The following WSB1 variants were observed in gnomAD, a reference collection of about 807,000 sequenced individuals.
WSB1 encodes the protein WD repeat and SOCS box-containing protein 1.
Under a neutral mutation model 50.2 loss-of-function variants are expected in WSB1, and 23 were observed. That is an observed-to-expected ratio of 0.46 (90% CI 0.33 to 0.65). WSB1 has a LOEUF of 0.65. Ranked by LOEUF, WSB1 falls within the 30% of genes least tolerant of loss-of-function variation. The pLI is 0.02. For missense variants in WSB1, 492 were observed against 522.3 expected (o/e 0.94, Z 0.56); for synonymous variants, 179 against 172.0 (o/e 1.04, Z -0.32).
rs753934401 is a variant in WSB1, at chr17:27,309,276, G to A, written c.884+4G>A. 5.7e-6 allele frequency: 9 copies of A among 1,566,980 alleles called. No individual in the cohort carries two copies. The South Asian group carries it at 9.4e-5, about 16-fold the overall frequency. ...GAGACATTCTGATGGAATTTGGGTG[G>A]GTACAGCATGAATTATTTTAGTCTA... On this transcript the variant is annotated splice_donor_region_variant and intron_variant, in intron 6 of 8. Transcript: ENST00000262394.
At chr17:27,308,913 A>G in intron 5 of WSB1, 187 bp from the exon 6 acceptor site, 2 of 1,211,368 alleles carry the variant, frequency 1.7e-6, no homozygotes, top group Non-Finnish European at 2.1e-6. Context: ...TAGAATTTGC[A>G]TGTCTGCCTT....
Position 27,301,677 on chromosome 17 carries a change from A to G in WSB1, c.41-111A>G. 4.5e-6 allele frequency: 5 copies of G among 1,119,080 alleles called. No homozygotes were observed. In the East Asian group the frequency reaches 9.6e-5, roughly 22 times the overall value. The allele number at this position is 1,119,080 out of a possible 1,614,324, so 69.3% of individuals were successfully genotyped here. ...GAGGATGGAATGCAGAACTCACTAT[A>G]CCCTGTCTGCATAGAAGAGGGAAGA... On this transcript the variant is annotated intron_variant, in intron 1 of 8. Transcript: ENST00000262394.
intron 7 of WSB1, 105 bp from the exon 8 acceptor site, chr17:27,311,404 G>A (rs2017670777): frequency 2.7e-6 from 2 of 747,884 alleles, no homozygotes; most frequent in Admixed American, 2.8e-5. Context: ...TGTGATGTGT[G>A]TATTTTGTGA....
At chr17:27,297,487 A>T (rs11654484) in intron 1 of WSB1, among the ~76,000 whole-genome samples, 49,612 of 148,940 alleles carry the variant, frequency 0.33, 8,441 homozygotes, top group Middle Eastern at 0.45. Flanking sequence ...TTTTTTTTTT[A>T]GACAGAGTCT....
Position 27,314,877 on chromosome 17 carries a change from A to G in WSB1, c.*2508A>G, listed in dbSNP as rs2017800830. The G allele has an allele frequency of 6.6e-6, 1 of 152,056 alleles. No individual in the cohort carries two copies. Among genetic ancestry groups the G allele is most frequent in the Admixed American group, 6.6e-5 (1 of 15,246 alleles). 9.4% of individuals were successfully genotyped at this position (152,056 alleles called of 1,614,324 possible). A position where few individuals can be genotyped will look rare whatever the true frequency, so the allele number is the denominator to read the frequency against. On this transcript the variant is annotated 3_prime_UTR_variant, in exon 9 of 9. Coordinates refer to ENST00000262394, the MANE Select transcript of WSB1 (RefSeq NM_015626.10). ...GACAGACGGCGTTTCACTGTTGGCC[A>G]GACTGGTCTCAAACTCCTGACCTCG...
intron 1 of WSB1, among the ~76,000 whole-genome samples, chr17:27,300,726 G>GT (rs2017192841): frequency 6.9e-6 from 1 of 145,542 alleles, no homozygotes; most frequent in Non-Finnish European, 1.5e-5. Context: ...GTCTTGCTCT[G>GT]TCACCCAGGC....
intron 1 of WSB1, among the ~76,000 whole-genome samples, chr17:27,296,795 T>TA (rs1234873052): frequency 3.3e-5 from 5 of 152,260 alleles, no homozygotes; most frequent in Admixed American, 2.0e-4. Flanking sequence ...CATTAAATCA[T>TA]ACATTTCTGT....
intron 1 of WSB1, among the ~76,000 whole-genome samples, chr17:27,299,052 A>G (rs1008433135): frequency 7.2e-5 from 11 of 152,134 alleles, no homozygotes; most frequent in African/African-American, 2.4e-4. Context: ...TTAAGCAGGC[A>G]GGGGTTGCAA....
Position 27,303,313 on chromosome 17 carries a change from G to T in WSB1, c.210-54G>T, listed in dbSNP as rs1280840672. On this transcript the variant is annotated intron_variant, in intron 2 of 8. Transcript: ENST00000262394. ...AACACTTGTAATTATTCAATGTCCAGAGGAGTCCAGAGTGAATAATAATAC... is the reference window on the plus strand; with the variant it reads ...AACACTTGTAATTATTCAATGTCCATAGGAGTCCAGAGTGAATAATAATAC... 5 of 1,568,452 alleles carry T rather than the reference G, an allele frequency of 3.2e-6. No homozygotes were observed. In the East Asian group the frequency reaches 6.7e-5, roughly 21 times the overall value.
At chr17:27,306,944 A>G (rs762177676) in intron 5 of WSB1, 62 bp downstream of exon 5, 1 of 1,502,550 alleles carries the variant, frequency 6.7e-7, no homozygotes, top group Non-Finnish European at 9.2e-7. Flanking sequence ...GTGCATAATC[A>G]TTTTAAATCT....
At chr17:27,302,929 C>T (rs1419924483) in intron 2 of WSB1, 1 of 163,724 alleles carries the variant, frequency 6.1e-6, no homozygotes, top group African/African-American at 2.4e-5. Context: ...GGTCTGGAAC[C>T]TATGGGAAAC....
intron 1 of WSB1, among the ~76,000 whole-genome samples, chr17:27,297,747 A>G (rs971099689): frequency 1.2e-4 from 18 of 152,142 alleles, no homozygotes; most frequent in African/African-American, 3.9e-4. Context: ...TGCCTGTCCT[A>G]TTACCACTAT....
At chr17:27,305,565 C>T (rs2017416958) in intron 4 of WSB1, among the ~76,000 whole-genome samples, 1 of 152,112 alleles carries the variant, frequency 6.6e-6, no homozygotes, top group Non-Finnish European at 1.5e-5. Context: ...TAACTAAAAC[C>T]TTAAATGTAA....
intron 1 of WSB1, among the ~76,000 whole-genome samples, chr17:27,297,867 G>C (rs934035275): frequency 1.2e-4 from 19 of 152,014 alleles, no homozygotes; most frequent in African/African-American, 4.6e-4. Flanking sequence ...CAGCACTTTG[G>C]GAGGCCGAGG....
In WSB1 at chr17:27,294,289, C is replaced by G; in HGVS notation, c.-107C>G. On this transcript the variant is annotated 5_prime_UTR_variant, in exon 1 of 9. Coordinates refer to ENST00000262394, the MANE Select transcript of WSB1 (RefSeq NM_015626.10). ...CCGCCCCCGCCCGTCTCCTCTGTCC[C>G]TGGGCCCGGGAGGGACCAACTTGGC... The G allele has an allele frequency of 6.8e-7, 1 of 1,480,456 alleles. No homozygotes were observed. The highest frequency in any genetic ancestry group is 1.4e-5 in the African/African-American group (1 of 71,950). 91.7% of individuals were successfully genotyped at this position (1,480,456 alleles called of 1,614,324 possible).
At chr17:27,297,064 A>T (rs1009743822) in intron 1 of WSB1, 1 of 152,076 alleles carries the variant, frequency 6.6e-6, no homozygotes, top group Non-Finnish European at 1.5e-5. Context: ...CTATTTCTTG[A>T]GTTTGTATAT....
At chr17:27,302,088 C>T in intron 2 of WSB1, 132 bp downstream of exon 2, 1 of 1,150,712 alleles carries the variant, frequency 8.7e-7, no homozygotes, top group African/African-American at 1.6e-5. Flanking sequence ...TAATCATGGG[C>T]TGAATATATT....
At chr17:27,297,901 A>G (rs1396844422) in intron 1 of WSB1, among the ~76,000 whole-genome samples, 1 of 152,036 alleles carries the variant, frequency 6.6e-6, no homozygotes, top group Non-Finnish European at 1.5e-5. Flanking sequence ...TGAGGTCAGG[A>G]GTTCAAGACC....
intron 5 of WSB1, chr17:27,307,297 T>TA (rs2017501718): frequency 9.7e-6 from 2 of 206,260 alleles, no homozygotes; most frequent in Non-Finnish European, 2.0e-5. Context: ...AAAAGTAACT[T>TA]AAAATAATAT....
Sources: allele counts gnomAD v4.1 joint callset (sites outside exome capture counted in the v4.1 genomes callset), GRCh38; gene constraint gnomAD v4.1.1; transcripts MANE v1.5; gene names NCBI Gene and HGNC (gene_info 2026-07-23, HGNC 2026-07-21).